NXN: variants seen among roughly 807,000 people sequenced by gnomAD.
The protein encoded by NXN is nucleoredoxin.
In NXN, 16 loss-of-function variants were observed where a neutral mutation model predicts 48.6. The ratio of observed to expected loss-of-function variants is 0.33; its 90% CI spans 0.22 to 0.50. The LOEUF is 0.50. NXN is among the 20% of genes least tolerant of loss of function. The probability of loss-of-function intolerance (pLI) is 0.98; values close to 1 mark genes in which losing one functional copy is unlikely to be tolerated. For synonymous variants in NXN, 281 were observed against 269.6 expected (o/e 1.04, Z -0.41); for missense variants, 492 against 605.5 (o/e 0.81, Z 1.97).
intron 1 of NXN, among the ~76,000 whole-genome samples, chr17:922,151 G>GT (rs1470340556): frequency 6.6e-6 from 1 of 152,146 alleles, no homozygotes; most frequent in Non-Finnish European, 1.5e-5. Flanking sequence ...ACTTAAAGCT[G>GT]TAAGAATTGG....
chr17:896,869 C>T, intron 1 of NXN: 5 of 755,308 alleles, frequency 6.6e-6, no homozygotes, highest in Non-Finnish European at 9.5e-6. Context: ...CCGCCCCCGG[C>T]CCCTCAACAA....
chr17:928,767 C>T (rs145016805), intron 1 of NXN, among the ~76,000 whole-genome samples: 1 of 152,002 alleles, frequency 6.6e-6, no homozygotes, highest in Non-Finnish European at 1.5e-5. Flanking sequence ...ACCCGGGAGG[C>T]GGAGTTTGCA....
chr17:959,155 A>G, intron 1 of NXN: 2 of 657,438 alleles, frequency 3.0e-6, no homozygotes, highest in Non-Finnish European at 4.5e-6. Context: ...GAGCGCCCCT[A>G]CGGAAGGCTG....
intron 1 of NXN, among the ~76,000 whole-genome samples, chr17:963,108 CACCT>C (rs2069256729): frequency 6.6e-6 from 1 of 151,656 alleles, no homozygotes; most frequent in Non-Finnish European, 1.5e-5. Context: ...AGCCTCTACC[CACCT>C]GAGACAGAAA....
At chr17:837,092 C>T (rs1333087591) in intron 1 of NXN, among the ~76,000 whole-genome samples, 1 of 152,148 alleles carries the variant, frequency 6.6e-6, no homozygotes, top group Non-Finnish European at 1.5e-5. Flanking sequence ...GATCCCCCCA[C>T]CTCAGCCTCC....
chr17:846,013 C>G lies in NXN; in HGVS notation c.361-19935G>C, dbSNP rs572791295. 2.0e-5 allele frequency among the ~76,000 whole-genome samples: 3 copies of G among 151,126 alleles called. No homozygotes were observed. In the South Asian group the frequency reaches 6.3e-4, roughly 32 times the overall value. Reference sequence around the variant, plus strand: ...CAGAGAATCACTTGAGCCTGGGAGGCGGAGGTTGCAGTGAGCCGAGATCAC... The same window carrying G: ...CAGAGAATCACTTGAGCCTGGGAGGGGGAGGTTGCAGTGAGCCGAGATCAC... On this transcript the variant is annotated intron_variant, in intron 1 of 7. Coordinates refer to ENST00000336868, the MANE Select transcript of NXN (RefSeq NM_022463.5).
Position 802,616 on chromosome 17 carries a change from G to A in NXN, c.1125+1066C>T, listed in dbSNP as rs116043790. On this transcript the variant is annotated intron_variant, in intron 7 of 7. Coordinates refer to ENST00000336868, the MANE Select transcript of NXN (RefSeq NM_022463.5). ...GCAGGGGTTGGAGTCACTGCATGCC[G>A]CGCAGCCTCCCTGGGGCTGGGCTTG... Among the ~76,000 whole-genome samples, 325 of 152,290 alleles carry A rather than the reference G, an allele frequency of 2.1e-3. 3 individuals are homozygous for A. The highest frequency in any genetic ancestry group is 4.8e-3 in the African/African-American group (200 of 41,562).
intron 1 of NXN, among the ~76,000 whole-genome samples, chr17:968,686 C>T (rs1053616024): frequency 1.3e-5 from 2 of 152,188 alleles, no homozygotes; most frequent in Non-Finnish European, 2.9e-5. Flanking sequence ...GCCTGTAATC[C>T]CAGCACTCTG....
chr17:812,921 T>TGC (rs1272374597), intron 5 of NXN, among the ~76,000 whole-genome samples: 25 of 150,638 alleles, frequency 1.7e-4, no homozygotes, highest in African/African-American at 6.1e-4. Context: ...ACTGTAGGTG[T>TGC]GTGCGTGTGT....
At chr17:857,303 CA>C (rs755471826) in intron 1 of NXN, among the ~76,000 whole-genome samples, 65 of 152,270 alleles carry the variant, frequency 4.3e-4, no homozygotes, top group Non-Finnish European at 6.8e-4. Context: ...CTCTGTCGCC[CA>C]GGCTGGAGGG....
chr17:938,051 C>T (rs2068928912), intron 1 of NXN, among the ~76,000 whole-genome samples: 1 of 152,216 alleles, frequency 6.6e-6, no homozygotes, highest in African/African-American at 2.4e-5. Flanking sequence ...GCAGCTGGGA[C>T]CACATTTGAA....
At chr17:842,990 GAGAAAGAGAGAAAGAGAGAAAGAA>G (rs1385734180) in intron 1 of NXN, among the ~76,000 whole-genome samples, 75 of 106,698 alleles carry the variant, frequency 7.0e-4, no homozygotes, top group African/African-American at 2.2e-3. Flanking sequence ...GAGAGAAAGA[GAGAAAGAGAGAAAGAGAGAAAGAA>G]AGAAAGAAAG....
At chr17:965,133 T>C (rs937798420) in intron 1 of NXN, among the ~76,000 whole-genome samples, 42 of 152,102 alleles carry the variant, frequency 2.8e-4, no homozygotes, top group African/African-American at 9.2e-4. Context: ...CAGGAAACAA[T>C]TGTACCCACA....
Position 979,299 on chromosome 17 carries a change from G to A in NXN, c.360+20C>T. The A allele has an allele frequency of 7.6e-7, 1 of 1,313,486 alleles. No homozygotes were observed. Among genetic ancestry groups the A allele is most frequent in the Admixed American group, 2.3e-5 (1 of 44,352 alleles). The allele number at this position is 1,313,486 out of a possible 1,614,324, so 81.4% of individuals were successfully genotyped here. Reference sequence around the variant, plus strand: ...GGGCGTGGGGGGCGGGCAGGGGCCGGCGAGGCCCGCGCCGCTCACCTTCCT... The same window carrying A: ...GGGCGTGGGGGGCGGGCAGGGGCCGACGAGGCCCGCGCCGCTCACCTTCCT... On this transcript the variant is annotated intron_variant, in intron 1 of 7. Coordinates refer to ENST00000336868, the MANE Select transcript of NXN (RefSeq NM_022463.5).
At chr17:812,584 T>C (rs902631143) in intron 5 of NXN, among the ~76,000 whole-genome samples, 7 of 151,814 alleles carry the variant, frequency 4.6e-5, no homozygotes, top group East Asian at 1.9e-4. Flanking sequence ...TGTGTGCACG[T>C]GTGTGTGATG....
rs2069176478 is a variant in NXN at position 956,856 on chromosome 17, T to C, written c.360+22463A>G. Among the ~76,000 whole-genome samples the C allele has an allele frequency of 6.6e-6, 1 of 152,188 alleles. No individual in the cohort carries two copies. The highest frequency in any genetic ancestry group is 1.5e-5 in the Non-Finnish European group (1 of 68,042). On this transcript the variant is annotated intron_variant, in intron 1 of 7. Coordinates refer to ENST00000336868, the MANE Select transcript of NXN (RefSeq NM_022463.5). The surrounding 1 kb of genome is among the most constrained non-coding windows in gnomAD (Gnocchi z 4.1). ...TCTCAAAGCTGGAGAGCGGGAAAGA[T>C]GGATCAGAACCAGGTCATCCAGGAG... is the stretch of plus-strand genomic sequence containing the variant.
chr17:800,906 G>A lies in NXN; in HGVS notation c.*43C>T. The A allele has an allele frequency of 1.5e-6, 2 of 1,332,232 alleles. No homozygotes were observed. The highest frequency in any genetic ancestry group is 9.8e-7 in the Non-Finnish European group (1 of 1,016,490). The allele number at this position is 1,332,232 out of a possible 1,614,324, so 82.5% of individuals were successfully genotyped here. On this transcript the variant is annotated 3_prime_UTR_variant, in exon 8 of 8. Coordinates refer to ENST00000336868, the MANE Select transcript of NXN (RefSeq NM_022463.5). Reference sequence around the variant, plus strand: ...GCGGAAGGAAGGAGGGGGAGGAGGAGAAGGCTGAGTTTTAAATAACGTCTC... The same window carrying A: ...GCGGAAGGAAGGAGGGGGAGGAGGAAAAGGCTGAGTTTTAAATAACGTCTC...
rs1223914220 is a variant in NXN, at chr17:878,447, C to A, written c.361-52369G>T. 9.6e-5 allele frequency among the ~76,000 whole-genome samples: 3 copies of A among 31,182 alleles called. No individual in the cohort carries two copies. The South Asian group carries it at 4.8e-3, about 50-fold the overall frequency. The allele number at this position is 31,182 out of a possible 152,430, so 20.5% of individuals were successfully genotyped here. A position where few individuals can be genotyped will look rare whatever the true frequency, so the allele number is the denominator to read the frequency against. On this transcript the variant is annotated intron_variant, in intron 1 of 7. Transcript: ENST00000336868. Reference sequence around the variant, plus strand: ...GGGGTGCCCTTGAAGGAGGGGTTTGCGGGCGGGGGTGGGGGGACCTTGAAG... The same window carrying A: ...GGGGTGCCCTTGAAGGAGGGGTTTGAGGGCGGGGGTGGGGGGACCTTGAAG...
intron 1 of NXN, among the ~76,000 whole-genome samples, chr17:844,120 T>C (rs750911477): frequency 3.3e-5 from 5 of 149,752 alleles, no homozygotes; most frequent in Non-Finnish European, 4.4e-5. Context: ...CTGCCTCTCC[T>C]TAACTGGAAG....
Sources: allele counts gnomAD v4.1 joint callset (sites outside exome capture counted in the v4.1 genomes callset), GRCh38; gene constraint gnomAD v4.1.1; non-coding constraint Gnocchi (gnomAD v3.1); transcripts MANE v1.5; gene names NCBI Gene and HGNC (gene_info 2026-07-23, HGNC 2026-07-21).